COPZ2: variants seen among roughly 807,000 people sequenced by gnomAD.
COPZ2 encodes the protein coat protein complex I subunit zeta 2.
In COPZ2, 30 loss-of-function variants were observed where a neutral mutation model predicts 33.2. The ratio of observed to expected loss-of-function variants is 0.90; its 90% CI spans 0.68 to 1.23. The LOEUF is 1.23. COPZ2 is among the 50% of genes most tolerant of loss of function. The pLI is 0.00. For synonymous variants in COPZ2, 89 were observed against 102.6 expected (o/e 0.87, Z 0.80); for missense variants, 263 against 262.4 (o/e 1.00, Z -0.02).
intron 2 of COPZ2, among the ~76,000 whole-genome samples, chr17:48,035,413 T>G (rs964201273): frequency 1.3e-5 from 2 of 152,166 alleles, no homozygotes; most frequent in Non-Finnish European, 1.5e-5. Flanking sequence ...ATCTATTTTT[T>G]GGGATGGGGT....
chr17:48,047,632 A>ACCGCCAACGTT, the COPZ2 span: 26,536 of 151,190 alleles, frequency 0.18, 2,570 homozygotes, highest in Non-Finnish European at 0.2. Flanking sequence ...CACCTCTCAC[A>ACCGCCAACGTT]CCGCCAACGT....
At chr17:48,029,021 T>C (rs977840290) in intron 7 of COPZ2, 104 bp downstream of exon 7, 13 of 1,081,334 alleles carry the variant, frequency 1.2e-5, no homozygotes, top group Non-Finnish European at 1.6e-5. Context: ...GGTTGGCTTC[T>C]GCTAGAGGAG....
chr17:48,026,383 T>G lies in COPZ2; in HGVS notation c.*45A>C. The G allele has an allele frequency of 6.6e-7, 1 of 1,509,010 alleles. No individual in the cohort carries two copies. The allele number at this position is 1,509,010 out of a possible 1,614,324, so 93.5% of individuals were successfully genotyped here. On this transcript the variant is annotated 3_prime_UTR_variant, in exon 9 of 9. Transcript: ENST00000621465. ...TGGGATCTTTGGGCTTTTGCCAGGA[T>G]TGGGGAAATGATCTGGGGGGCAGGG...
Position 48,028,481 on chromosome 17 carries a change from A to C in COPZ2, c.576T>G (p.Ser192Arg), listed in dbSNP as rs1418284318. The C allele has an allele frequency of 1.2e-6, 2 of 1,609,274 alleles. No homozygotes were observed. Among genetic ancestry groups the C allele is most frequent in the Non-Finnish European group, 1.7e-6 (2 of 1,177,950 alleles). The change falls in exon 8 of 9, where the codon AGT becomes AGG. Residue 192 changes from serine to arginine, a missense_variant. Physicochemically the swap from Ser to Arg is moderately radical, Grantham distance 110. Coordinates refer to ENST00000621465, the MANE Select transcript of COPZ2 (RefSeq NM_016429.4). This position sits in a 1 kb window ranked among gnomAD's most constrained non-coding sequence, Gnocchi z 4.5. ...RADDGGLTEQ[S>R]VAQVLQSAKE... The stretch of plus-strand genomic sequence containing the variant: ...ATGCAGGGGGGCCTACCTGGGCCAC[A>C]CTCTGTTCAGTCAAGCCGCCATCAT...
chr17:48,037,858 C>G, upstream of COPZ2: 1 of 982,688 alleles, frequency 1.0e-6, no homozygotes, highest in Non-Finnish European at 1.2e-6. The surrounding 1 kb of genome is among the most constrained non-coding windows in gnomAD (Gnocchi z 5.6). Flanking sequence ...CCCCGCGGCC[C>G]CCTCTCGCGC....
chr17:48,040,238 TTTA>T (rs1340524059), upstream of COPZ2, among the ~76,000 whole-genome samples: 5 of 151,080 alleles, frequency 3.3e-5, no homozygotes, highest in Admixed American at 6.6e-5. Context: ...TGCCTGGTTA[TTTA>T]TTATTATTTT....
rs1360887715 is a variant in COPZ2 at position 48,033,921 on chromosome 17, G to A, written c.210C>T (p.Ser70=). 5.6e-6 allele frequency: 9 copies of A among 1,610,650 alleles called. No homozygotes were observed. Among genetic ancestry groups the A allele is most frequent in the Non-Finnish European group, 6.8e-6 (8 of 1,178,138 alleles). ...LAKYYDDTFP[S]MKEQMVFEKN... is the part of the protein sequence containing the mutation. ...TCTCGAAAACCATCTGCTCCTTCAT[G>A]GAGGGGAATGTGTCATCATAATACT... is the stretch of plus-strand genomic sequence containing the variant. The change falls in exon 3 of 9, where the codon TCC becomes TCT. Residue 70 remains serine (S), a synonymous_variant. Coordinates refer to ENST00000621465, the MANE Select transcript of COPZ2 (RefSeq NM_016429.4).
intron 6 of COPZ2, chr17:48,029,385 T>C: frequency 3.2e-6 from 2 of 624,986 alleles, no homozygotes; most frequent in Non-Finnish European, 5.7e-6. Context: ...AACCCAGTGG[T>C]CCACATGCTT....
chr17:48,034,678 G>A (rs1168425187), intron 2 of COPZ2, among the ~76,000 whole-genome samples: 2 of 151,996 alleles, frequency 1.3e-5, no homozygotes, highest in African/African-American at 2.4e-5. Context: ...TGGGGAAACC[G>A]AGGCATCAAG....
intron 2 of COPZ2, among the ~76,000 whole-genome samples, chr17:48,035,753 C>CTTTTTTTTTTT (rs368011148): frequency 2.3e-5 from 3 of 131,500 alleles, no homozygotes; most frequent in Admixed American, 7.8e-5. Context: ...TTTTTCTTTT[C>CTTTTTTTTTTT]TTTTTTTTTT....
chr17:48,026,213 T>A lies in COPZ2; in HGVS notation c.*215A>T. 1.8e-6 allele frequency: 1 copy of A among 545,398 alleles called. No individual in the cohort carries two copies. Among genetic ancestry groups the A allele is most frequent in the South Asian group, 2.7e-5 (1 of 37,558 alleles). 33.8% of individuals were successfully genotyped at this position (545,398 alleles called of 1,614,324 possible). On this transcript the variant is annotated 3_prime_UTR_variant, in exon 9 of 9. Coordinates refer to ENST00000621465, the MANE Select transcript of COPZ2 (RefSeq NM_016429.4). ...TTTATTAGGGCCCTGGGGCCAGGAA[T>A]GCCTAAGATATGAGTTAAGGCCAGG...
At chr17:48,031,499 G>A (rs903945682) in intron 6 of COPZ2, 4 of 151,352 alleles carry the variant, frequency 2.6e-5, no homozygotes, top group African/African-American at 4.9e-5. Flanking sequence ...TTGCCCCAGA[G>A]CCAGAACTTC....
At position 48,028,380 on chromosome 17, in the gene COPZ2, C is replaced by G; in HGVS notation, c.585+92G>C. 1.5e-6 allele frequency: 2 copies of G among 1,304,222 alleles called. No individual in the cohort carries two copies. The highest frequency in any genetic ancestry group is 1.1e-6 in the Non-Finnish European group (1 of 952,300). 80.8% of individuals were successfully genotyped at this position (1,304,222 alleles called of 1,614,324 possible). A position where few individuals can be genotyped will look rare whatever the true frequency, so the allele number is the denominator to read the frequency against. ...ACCCCTGATTTTTCAGACTTGATAA[C>G]TTCACTGGGTCCCCCTAGGATGCTC... On this transcript the variant is annotated intron_variant, in intron 8 of 8. Coordinates refer to ENST00000621465, the MANE Select transcript of COPZ2 (RefSeq NM_016429.4). This position sits in a 1 kb window ranked among gnomAD's most constrained non-coding sequence, Gnocchi z 4.5.
chr17:48,043,958 CA>C, the COPZ2 span, among the ~76,000 whole-genome samples: 286 of 152,180 alleles, frequency 1.9e-3, 11 homozygotes, highest in South Asian at 0.056. Context: ...AACTCAGCTT[CA>C]AAAAATGTTA....
At chr17:48,027,488 C>T (rs1410828915) in intron 8 of COPZ2, among the ~76,000 whole-genome samples, 1 of 152,188 alleles carries the variant, frequency 6.6e-6, no homozygotes, top group South Asian at 2.1e-4. Context: ...GAACACGTAC[C>T]CTGGGATGAC....
chr17:48,028,654 T>C lies in COPZ2; in HGVS notation c.547-144A>G. The C allele has an allele frequency of 2.8e-6, 2 of 706,882 alleles. No individual in the cohort carries two copies. Among genetic ancestry groups the C allele is most frequent in the Non-Finnish European group, 4.7e-6 (2 of 422,938 alleles). 43.8% of individuals were successfully genotyped at this position (706,882 alleles called of 1,614,324 possible). On this transcript the variant is annotated intron_variant, in intron 7 of 8. Transcript: ENST00000621465. The surrounding 1 kb of genome is among the most constrained non-coding windows in gnomAD (Gnocchi z 4.5). ...GAGCTGCACCTGTGTCACTGGTTAATAGAAGTCCTGCAGCCTGTCATTTGG... is the reference window on the plus strand; with the variant it reads ...GAGCTGCACCTGTGTCACTGGTTAACAGAAGTCCTGCAGCCTGTCATTTGG...
At position 48,029,177 on chromosome 17, in the gene COPZ2, C is replaced by T. The variant is rs369410373; in HGVS notation, c.495-1G>A. ...CTGGGGGTCACTCTCCAGAATCACA[C>T]TACAAGATGAGAGGAAAAACCAGGA... On this transcript the variant is annotated splice_acceptor_variant, in intron 6 of 8. Transcript: ENST00000621465. LOFTEE classifies it high-confidence loss of function. 6.4e-6 allele frequency: 10 copies of T among 1,572,504 alleles called. No individual in the cohort carries two copies. Among genetic ancestry groups the T allele is most frequent in the Non-Finnish European group, 7.8e-6 (9 of 1,158,756 alleles).
chr17:48,026,627 C>T (rs1057468585), intron 8 of COPZ2, among the ~76,000 whole-genome samples, 152 bp from the exon 9 acceptor site: 12 of 152,192 alleles, frequency 7.9e-5, no homozygotes, highest in African/African-American at 2.9e-4. Context: ...GGCTTAAACG[C>T]GGCCAACCCT....
chr17:48,033,097 TA>T, intron 4 of COPZ2, 113 bp downstream of exon 4: 1 of 739,972 alleles, frequency 1.4e-6, no homozygotes, highest in Non-Finnish European at 2.3e-6. Flanking sequence ...CCATGGAGCC[TA>T]AAAGAAGGGG....
Sources: allele counts gnomAD v4.1 joint callset (sites outside exome capture counted in the v4.1 genomes callset), GRCh38; gene constraint gnomAD v4.1.1; non-coding constraint Gnocchi (gnomAD v3.1); transcripts MANE v1.5; gene names NCBI Gene and HGNC (gene_info 2026-07-23, HGNC 2026-07-21).